Variants in SLC7A14 observed in about 807,000 individuals in gnomAD.
The protein encoded by SLC7A14 is solute carrier family 7 member 14.
A neutral mutation model predicts 60.2 loss-of-function variants in SLC7A14; 37 were observed. The ratio of observed to expected loss-of-function variants is 0.61; its 90% CI spans 0.47 to 0.81. The LOEUF (loss-of-function observed/expected upper bound fraction) is 0.81, where lower values mean the gene tolerates loss of function less well. Among genes scored for constraint, SLC7A14 ranks in the 30% least tolerant of loss-of-function variants. SLC7A14 has a pLI of 0.00. For synonymous variants in SLC7A14, 399 were observed against 395.8 expected (o/e 1.01, Z -0.10); for missense variants, 886 against 982.7 (o/e 0.90, Z 1.32).
intron 2 of SLC7A14, among the ~76,000 whole-genome samples, chr3:170,523,893 G>A (rs564580225): frequency 1.1e-4 from 16 of 152,302 alleles, no homozygotes; most frequent in African/African-American, 3.8e-4. Context: ...TGAGAGGCCT[G>A]CTTGAAGAAA....
At chr3:170,534,276 A>G (rs1040028918) in intron 1 of SLC7A14, among the ~76,000 whole-genome samples, 61 of 152,314 alleles carry the variant, frequency 4.0e-4, no homozygotes, top group Admixed American at 1.8e-3. Context: ...AGCAATCCCT[A>G]TCTGATGCAT....
chr3:170,536,621 G>T (rs1328054470), intron 1 of SLC7A14, among the ~76,000 whole-genome samples: 1 of 152,208 alleles, frequency 6.6e-6, no homozygotes, highest in East Asian at 1.9e-4. Context: ...CTGTACTCAT[G>T]AATCAGGAGA....
intron 1 of SLC7A14, among the ~76,000 whole-genome samples, chr3:170,563,613 G>A (rs966754662): frequency 6.6e-6 from 1 of 151,744 alleles, no homozygotes; most frequent in Non-Finnish European, 1.5e-5. Flanking sequence ...TAGAGACAGG[G>A]TTTCACCATG....
intron 1 of SLC7A14, among the ~76,000 whole-genome samples, chr3:170,553,417 C>T (rs576720097): frequency 6.6e-6 from 1 of 152,228 alleles, no homozygotes; most frequent in East Asian, 1.9e-4. Flanking sequence ...GCAATCTGTA[C>T]GTGTAATTTT....
At chr3:170,490,145 C>T (rs1560255597) in intron 4 of SLC7A14, among the ~76,000 whole-genome samples, 1 of 152,168 alleles carries the variant, frequency 6.6e-6, no homozygotes, top group South Asian at 2.1e-4. Context: ...ATGGACACCC[C>T]ATTCTCCACG....
At chr3:170,563,344 A>G (rs1439157785) in intron 1 of SLC7A14, among the ~76,000 whole-genome samples, 1 of 150,914 alleles carries the variant, frequency 6.6e-6, no homozygotes, top group Non-Finnish European at 1.5e-5. Context: ...ATTTGCAAAG[A>G]TTTATATTGC....
At position 170,585,287 on chromosome 3, in the gene SLC7A14, G is replaced by T. The variant is rs758434546; in HGVS notation, c.-153+624C>A. Among the ~76,000 whole-genome samples, 1 of 152,104 alleles carries T rather than the reference G, an allele frequency of 6.6e-6. No individual in the cohort carries two copies. Among genetic ancestry groups the T allele is most frequent in the African/African-American group, 2.4e-5 (1 of 41,436 alleles). On this transcript the variant is annotated intron_variant, in intron 1 of 7. Transcript: ENST00000231706. This position sits in a 1 kb window ranked among gnomAD's most constrained non-coding sequence, Gnocchi z 5.1. ...CGTCACGTCCTCTTCGCCGCTCCCG[G>T]GAGAGTCACCACTCTCCGGGGACAG... is the stretch of plus-strand genomic sequence containing the variant.
intron 2 of SLC7A14, among the ~76,000 whole-genome samples, chr3:170,506,118 T>C (rs1007020263): frequency 6.6e-6 from 1 of 152,218 alleles, no homozygotes; most frequent in Non-Finnish European, 1.5e-5. Context: ...AGTGTTTAGG[T>C]GCAGGCAGCC....
At chr3:170,505,619 C>CT (rs1190642443) in intron 2 of SLC7A14, among the ~76,000 whole-genome samples, 2 of 152,030 alleles carry the variant, frequency 1.3e-5, no homozygotes, top group Non-Finnish European at 2.9e-5. Context: ...GGCGCGGTGG[C>CT]TCATGCCTGT....
chr3:170,480,340 G>GCAT lies in SLC7A14; in HGVS notation c.1939_1941dup (p.Met647dup). The stretch of plus-strand genomic sequence containing the variant: ...ATCCATGTGATGGTGGAGAGCTTTA[G>GCAT]CATGAGATAGATGTTCACCAGCATG... On this transcript the variant is annotated inframe_insertion, in exon 7 of 8. Transcript: ENST00000231706. 2 of 1,578,876 alleles carry GCAT rather than the reference G, an allele frequency of 1.3e-6. No individual in the cohort carries two copies. Among genetic ancestry groups the GCAT allele is most frequent in the Non-Finnish European group, 1.7e-6 (2 of 1,162,216 alleles).
chr3:170,529,937 G>A (rs548682288), intron 1 of SLC7A14, among the ~76,000 whole-genome samples: 29 of 152,260 alleles, frequency 1.9e-4, no homozygotes, highest in African/African-American at 7.0e-4. Flanking sequence ...GGCAGGGAAC[G>A]GATTCTTCCT....
At chr3:170,482,136 A>G (rs1711851096) in intron 6 of SLC7A14, among the ~76,000 whole-genome samples, 1 of 152,186 alleles carries the variant, frequency 6.6e-6, no homozygotes, top group South Asian at 2.1e-4. Flanking sequence ...TTACTGACTG[A>G]AGAAGAGACC....
At chr3:170,474,146 A>C (rs1448467261) in intron 7 of SLC7A14, among the ~76,000 whole-genome samples, 1 of 152,234 alleles carries the variant, frequency 6.6e-6, no homozygotes, top group African/African-American at 2.4e-5. Flanking sequence ...GGGAGACTAG[A>C]CAGCCACAAG....
chr3:170,467,488 G>GGGGGGGGT, intron 7 of SLC7A14, 111 bp from the exon 8 acceptor site: 1 of 516,570 alleles, frequency 1.9e-6, no homozygotes, highest in Non-Finnish European at 3.0e-6. Flanking sequence ...GTGGGGGGCG[G>GGGGGGGGT]TGGGGGCGGG....
chr3:170,485,094 G>A (rs762155069), intron 5 of SLC7A14, among the ~76,000 whole-genome samples: 7 of 152,026 alleles, frequency 4.6e-5, no homozygotes, highest in East Asian at 1.9e-4. Context: ...CTTCTGCCCC[G>A]CAACCCCTCC....
At chr3:170,470,223 T>C (rs1460241232) in intron 7 of SLC7A14, among the ~76,000 whole-genome samples, 1 of 152,010 alleles carries the variant, frequency 6.6e-6, no homozygotes, top group Non-Finnish European at 1.5e-5. Flanking sequence ...TCCCCCAGGC[T>C]GGTTTACAGA....
At chr3:170,568,989 G>A (rs187458402) in intron 1 of SLC7A14, among the ~76,000 whole-genome samples, 1 of 152,100 alleles carries the variant, frequency 6.6e-6, no homozygotes, top group African/African-American at 2.4e-5. Context: ...TTTCCTAATT[G>A]AATACCCTTT....
intron 1 of SLC7A14, among the ~76,000 whole-genome samples, chr3:170,578,848 A>G (rs537394197): frequency 1.3e-5 from 2 of 152,338 alleles, no homozygotes; most frequent in South Asian, 4.1e-4. Context: ...TAATCTAAAT[A>G]ACTTCTTTTA....
chr3:170,545,601 T>C (rs923047449), intron 1 of SLC7A14, among the ~76,000 whole-genome samples: 1 of 152,166 alleles, frequency 6.6e-6, no homozygotes, highest in Non-Finnish European at 1.5e-5. Flanking sequence ...CCTATTATTT[T>C]TCCCTCCACC....
Sources: allele counts gnomAD v4.1 joint callset (sites outside exome capture counted in the v4.1 genomes callset), GRCh38; gene constraint gnomAD v4.1.1; non-coding constraint Gnocchi (gnomAD v3.1); transcripts MANE v1.5; gene names NCBI Gene and HGNC (gene_info 2026-07-23, HGNC 2026-07-21).